The following EIF2AK2 variants were observed in gnomAD, a reference collection of about 807,000 sequenced individuals.
EIF2AK2 encodes eukaryotic translation initiation factor 2 alpha kinase 2, also known as interferon-induced, double-stranded RNA-activated protein kinase.
In EIF2AK2, 40 loss-of-function variants were observed where a neutral mutation model predicts 70.5. The ratio of observed to expected loss-of-function variants is 0.57; its 90% confidence interval spans 0.44 to 0.74. EIF2AK2 has a LOEUF of 0.74. Ranked by LOEUF, EIF2AK2 falls within the 30% of genes least tolerant of loss-of-function variation. EIF2AK2 has a pLI of 0.00. For synonymous variants in EIF2AK2, 198 were observed against 220.9 expected, an observed-to-expected ratio of 0.90 and a Z score of 0.92; for missense variants, 555 against 644.3, an observed-to-expected ratio of 0.86 and a Z score of 1.50.
At position 37,139,769 on chromosome 2, in the gene EIF2AK2, C is replaced by T. The variant is rs1317260588; in HGVS notation, c.390-12G>A. On this transcript the variant is annotated splice_polypyrimidine_tract_variant and intron_variant, in intron 5 of 16. Coordinates refer to ENST00000233057, the MANE Select transcript of EIF2AK2 (RefSeq NM_001135651.3). ...ATTTATAATGAAATCTAGGAGAAAT[C>T]ATAGAAGGTACTTATCCAAACATGA... 6.2e-7 allele frequency: 1 copy of T among 1,604,498 alleles called. No individual in the cohort carries two copies. Among genetic ancestry groups the T allele is most frequent in the East Asian group, 2.2e-5 (1 of 44,738 alleles).
At chr2:37,120,281 GC>G in intron 12 of EIF2AK2, 142 bp from the exon 13 acceptor site, 1 of 460,328 alleles carries the variant, frequency 2.2e-6, no homozygotes, top group South Asian at 1.1e-4. Context: ...ACTTTGGGAG[GC>G]CGAGGCGGGC....
At chr2:37,144,111 A>G (rs935090079) in intron 4 of EIF2AK2, among the ~76,000 whole-genome samples, 6 of 152,180 alleles carry the variant, frequency 3.9e-5, no homozygotes, top group South Asian at 4.1e-4. Flanking sequence ...GCTAAATTTC[A>G]TATTTTTAGT....
chr2:37,110,786 A>G (rs1204965751), intron 14 of EIF2AK2, among the ~76,000 whole-genome samples: 1 of 152,112 alleles, frequency 6.6e-6, no homozygotes, highest in Non-Finnish European at 1.5e-5. Flanking sequence ...AATCAACCCA[A>G]AAAAAAATCA....
At chr2:37,115,980 T>C (rs1425951382) in intron 13 of EIF2AK2, among the ~76,000 whole-genome samples, 1 of 152,056 alleles carries the variant, frequency 6.6e-6, no homozygotes, top group Non-Finnish European at 1.5e-5. Flanking sequence ...CACCACAACC[T>C]CTGCTTCCTG....
At chr2:37,136,485 T>C (rs995483258) in intron 9 of EIF2AK2, among the ~76,000 whole-genome samples, 4 of 152,238 alleles carry the variant, frequency 2.6e-5, no homozygotes, top group African/African-American at 7.2e-5. Flanking sequence ...TCAAGAACCA[T>C]GTTTCTTCAA....
intron 4 of EIF2AK2, among the ~76,000 whole-genome samples, chr2:37,145,241 C>G (rs1675489260): frequency 6.8e-6 from 1 of 147,282 alleles, no homozygotes; most frequent in Non-Finnish European, 1.5e-5. Context: ...TTCCTGAGTT[C>G]AAGCAATTCT....
intron 11 of EIF2AK2, among the ~76,000 whole-genome samples, chr2:37,125,291 G>A (rs552768161): frequency 1.1e-4 from 16 of 152,256 alleles, no homozygotes; most frequent in African/African-American, 3.9e-4. Context: ...GATTACAGGC[G>A]TGAGCCACCA....
At chr2:37,142,796 C>T (rs1675379821) in intron 4 of EIF2AK2, among the ~76,000 whole-genome samples, 2 of 152,138 alleles carry the variant, frequency 1.3e-5, no homozygotes, top group African/African-American at 4.8e-5. Flanking sequence ...ATAAGCATTG[C>T]TACACTATCT....
rs1467662105 is a variant in EIF2AK2, at chr2:37,120,065, CT to C, written c.1141del (p.Arg381GlufsTer6). ...AACTTTGTCTAGTTTCTCGCCTCTT[CT>C]TTTTTCAATCCATTGTTCCAAGGTC... ...KGTLEQWIEK[R>X]RGEKLDKVLA... On this transcript the variant is annotated frameshift_variant, in exon 13 of 17. Coordinates refer to ENST00000233057, the MANE Select transcript of EIF2AK2 (RefSeq NM_001135651.3). LOFTEE classifies it high-confidence loss of function. 1.3e-6 allele frequency: 2 copies of C among 1,542,944 alleles called. No individual in the cohort carries two copies. Among genetic ancestry groups the C allele is most frequent in the African/African-American group, 1.4e-5 (1 of 72,338 alleles).
At chr2:37,146,132 G>A (rs979838820) in intron 4 of EIF2AK2, among the ~76,000 whole-genome samples, 8 of 152,068 alleles carry the variant, frequency 5.3e-5, no homozygotes, top group African/African-American at 1.9e-4. Flanking sequence ...TAAACATTGT[G>A]TTACAATTGG....
At chr2:37,143,190 T>C (rs1675399295) in intron 4 of EIF2AK2, among the ~76,000 whole-genome samples, 1 of 142,660 alleles carries the variant, frequency 7.0e-6, no homozygotes, top group Admixed American at 7.4e-5. Flanking sequence ...GCCACTGCAC[T>C]CCAGCCTGGA....
At chr2:37,156,119 G>A (rs1213648781) in intron 1 of EIF2AK2, among the ~76,000 whole-genome samples, 1 of 152,104 alleles carries the variant, frequency 6.6e-6, no homozygotes, top group Non-Finnish European at 1.5e-5. Context: ...GGATAAGGGA[G>A]GGATTTCCCC....
chr2:37,108,445 C>A (rs1300704860), intron 15 of EIF2AK2, among the ~76,000 whole-genome samples: 1 of 152,170 alleles, frequency 6.6e-6, no homozygotes, highest in Non-Finnish European at 1.5e-5. Context: ...AACCTAAGTC[C>A]CTACAGCTGG....
chr2:37,126,981 A>AAAAAAAAAAAAAAC, intron 10 of EIF2AK2, among the ~76,000 whole-genome samples: 2 of 104,042 alleles, frequency 1.9e-5, no homozygotes, highest in Non-Finnish European at 4.2e-5. Flanking sequence ...AAAAAAAAAA[A>AAAAAAAAAAAAAAC]AAAAAAAAAA....
chr2:37,126,472 C>A (rs577164650), intron 10 of EIF2AK2, 61 bp from the exon 11 acceptor site: 1 of 1,555,248 alleles, frequency 6.4e-7, no homozygotes, highest in East Asian at 2.3e-5. Flanking sequence ...CCCCCCGCCT[C>A]CCCACTCCTT....
intron 14 of EIF2AK2, among the ~76,000 whole-genome samples, chr2:37,111,872 A>ATAT (rs1674160938): frequency 2.2e-5 from 1 of 45,070 alleles, no homozygotes; most frequent in Non-Finnish European, 4.9e-5. Flanking sequence ...AAAAAAAAAA[A>ATAT]AAAAAAATAT....
intron 1 of EIF2AK2, among the ~76,000 whole-genome samples, chr2:37,153,410 A>C (rs1487436137): frequency 7.1e-6 from 1 of 140,554 alleles, no homozygotes; most frequent in East Asian, 2.3e-4. Flanking sequence ...GTGTGATCAC[A>C]GCTTACTGCA....
chr2:37,134,120 G>A (rs145804575), intron 10 of EIF2AK2, among the ~76,000 whole-genome samples: 2 of 152,170 alleles, frequency 1.3e-5, no homozygotes, highest in African/African-American at 2.4e-5. Flanking sequence ...AACAGAAAAC[G>A]TAACCCTAAT....
chr2:37,109,350 C>G (rs1674068894), intron 14 of EIF2AK2, 55 bp from the exon 15 acceptor site: 2 of 1,486,112 alleles, frequency 1.3e-6, no homozygotes, highest in East Asian at 2.3e-5. Flanking sequence ...AAATATCCAG[C>G]CTTCTAAAGC....
Sources: allele counts gnomAD v4.1 joint callset (sites outside exome capture counted in the v4.1 genomes callset), GRCh38; gene constraint gnomAD v4.1.1; transcripts MANE v1.5; gene names NCBI Gene and HGNC (gene_info 2026-07-23, HGNC 2026-07-21).